Variants in SNTG1 observed in about 807,000 individuals in gnomAD.
SNTG1 encodes syntrophin gamma 1.
SNTG1 carries 39 observed loss-of-function variants against 74.7 expected under a neutral mutation model. The ratio of observed to expected loss-of-function variants is 0.52; its 90% CI spans 0.40 to 0.68. The LOEUF (loss-of-function observed/expected upper bound fraction) is 0.68. Among genes scored for constraint, SNTG1 ranks in the 30% least tolerant of loss-of-function variants. The pLI, the probability that SNTG1 is intolerant of heterozygous loss-of-function variation, is 0.00. For synonymous variants in SNTG1, 254 were observed against 217.1 expected, an observed-to-expected ratio of 1.17 and a Z score of -1.49; for missense variants, 685 against 609.5, an observed-to-expected ratio of 1.12 and a Z score of -1.30.
At chr8:50,402,525 A>G (rs1260069698) in intron 4 of SNTG1, among the ~76,000 whole-genome samples, 181 bp downstream of exon 4, 1 of 152,196 alleles carries the variant, frequency 6.6e-6, no homozygotes, top group Non-Finnish European at 1.5e-5. Flanking sequence ...CCTGGGGTCC[A>G]TGAACACATA....
At chr8:50,787,410 T>C (rs1027202815) in intron 18 of SNTG1, among the ~76,000 whole-genome samples, 3 of 151,932 alleles carry the variant, frequency 2.0e-5, no homozygotes, top group Non-Finnish European at 4.4e-5. Flanking sequence ...ATGTAAAATG[T>C]GGTAACTCAT....
chr8:50,756,651 T>C (rs926399711), intron 18 of SNTG1, among the ~76,000 whole-genome samples: 1 of 151,818 alleles, frequency 6.6e-6, no homozygotes, highest in African/African-American at 2.4e-5. Flanking sequence ...CCTAACATCA[T>C]GCTGTCTTGA....
At chr8:50,024,605 C>G (rs1181168638) in intron 1 of SNTG1, among the ~76,000 whole-genome samples, 1 of 152,066 alleles carries the variant, frequency 6.6e-6, no homozygotes, top group Non-Finnish European at 1.5e-5. Context: ...GCTCTACATG[C>G]CATATTTTTC....
chr8:50,635,842 C>T (rs2095035789), intron 13 of SNTG1, among the ~76,000 whole-genome samples: 1 of 152,086 alleles, frequency 6.6e-6, no homozygotes, highest in Non-Finnish European at 1.5e-5. Context: ...TTTATCTCTG[C>T]TCTTCTAAAG....
At chr8:49,928,869 C>T (rs1807294985) in intron 1 of SNTG1, among the ~76,000 whole-genome samples, 1 of 151,766 alleles carries the variant, frequency 6.6e-6, no homozygotes, top group East Asian at 1.9e-4. Flanking sequence ...ATTCTCTAGC[C>T]TTAAATATAT....
intron 15 of SNTG1, among the ~76,000 whole-genome samples, chr8:50,683,565 A>G (rs2095339714): frequency 6.6e-6 from 1 of 152,206 alleles, no homozygotes; most frequent in Admixed American, 6.5e-5. Context: ...TTTCCCACAA[A>G]GATCTGCAAT....
intron 2 of SNTG1, among the ~76,000 whole-genome samples, chr8:50,337,121 AC>A (rs1290012804): frequency 2.0e-5 from 3 of 152,158 alleles, no homozygotes; most frequent in Non-Finnish European, 4.4e-5. Flanking sequence ...TTCTGCTCTT[AC>A]ATGTAAATGA....
chr8:50,083,117 G>C (rs569121609), intron 1 of SNTG1, among the ~76,000 whole-genome samples: 1 of 152,286 alleles, frequency 6.6e-6, no homozygotes, highest in Admixed American at 6.5e-5. Context: ...GACTAGTGTG[G>C]ATGAAGCAAT....
chr8:50,133,487 A>C (rs2081378438), intron 1 of SNTG1, among the ~76,000 whole-genome samples: 1 of 152,112 alleles, frequency 6.6e-6, no homozygotes, highest in Non-Finnish European at 1.5e-5. Flanking sequence ...TTGGCTCCCT[A>C]GGGCTGCCAT....
intron 1 of SNTG1, among the ~76,000 whole-genome samples, chr8:49,922,291 A>T (rs1019664306): frequency 5.3e-5 from 8 of 152,074 alleles, no homozygotes; most frequent in Non-Finnish European, 1.5e-5. Context: ...TTTTCTTGGT[A>T]CTAGAGGAGT....
intron 18 of SNTG1, among the ~76,000 whole-genome samples, chr8:50,766,633 T>A (rs2095614587): frequency 6.6e-6 from 1 of 151,930 alleles, no homozygotes. Context: ...TACCACTTTG[T>A]TCTCCTGTGT....
chr8:50,271,611 T>C (rs2087784842), intron 2 of SNTG1, among the ~76,000 whole-genome samples: 1 of 152,146 alleles, frequency 6.6e-6, no homozygotes, highest in African/African-American at 2.4e-5. Context: ...AGGCAAAAAA[T>C]TAAGGTATAA....
intron 2 of SNTG1, among the ~76,000 whole-genome samples, chr8:50,282,607 C>CA (rs60061285): frequency 2.6e-5 from 4 of 151,682 alleles, no homozygotes; most frequent in Admixed American, 6.6e-5. Context: ...ACTGAAAATA[C>CA]AAAAAAAAAT....
At chr8:50,781,987 A>G in intron 18 of SNTG1, among the ~76,000 whole-genome samples, 1 of 152,122 alleles carries the variant, frequency 6.6e-6, no homozygotes, top group Non-Finnish European at 1.5e-5. Flanking sequence ...TGGATATGAA[A>G]TTCTGGGTTG....
chr8:49,979,656 G>T (rs1178155841), intron 1 of SNTG1, among the ~76,000 whole-genome samples: 1 of 152,112 alleles, frequency 6.6e-6, no homozygotes, highest in Non-Finnish European at 1.5e-5. Flanking sequence ...TTGCATCTTG[G>T]TTAAAAGGCC....
At chr8:50,683,032 A>G (rs765560928) in intron 15 of SNTG1, among the ~76,000 whole-genome samples, 11 of 152,154 alleles carry the variant, frequency 7.2e-5, no homozygotes, top group Non-Finnish European at 1.5e-4. Flanking sequence ...TATTATGATT[A>G]AGCATTTTCT....
chr8:50,223,328 G>C (rs1240328050), intron 2 of SNTG1, among the ~76,000 whole-genome samples: 1 of 152,056 alleles, frequency 6.6e-6, no homozygotes, highest in African/African-American at 2.4e-5. Context: ...GAATAGCTTA[G>C]TATGCTCATT....
chr8:50,692,153 A>AT (rs545223596), intron 15 of SNTG1, among the ~76,000 whole-genome samples: 2 of 151,714 alleles, frequency 1.3e-5, no homozygotes, highest in East Asian at 3.9e-4. Context: ...CATTTGTCTA[A>AT]TTTTTTTTCA....
chr8:50,733,572 C>G (rs1462832528), intron 17 of SNTG1, among the ~76,000 whole-genome samples: 2 of 151,948 alleles, frequency 1.3e-5, no homozygotes, highest in East Asian at 3.9e-4. Context: ...TCTCTTTTCT[C>G]TTCAGCCTTA....
Sources: gnomAD v4.1 joint callset for allele counts (sites outside exome capture counted in the v4.1 genomes callset) on GRCh38, gnomAD v4.1.1 for gene constraint, MANE v1.5 for transcripts, NCBI Gene and HGNC (gene_info 2026-07-23, HGNC 2026-07-21) for gene names.